ST6GALNAC6: variants seen among roughly 807,000 people sequenced by gnomAD.
The protein encoded by ST6GALNAC6 is alpha-N-acetylgalactosaminide alpha-2,6-sialyltransferase 6.
ST6GALNAC6 carries 19 observed loss-of-function variants against 34.3 expected under a neutral mutation model. The ratio of observed to expected loss-of-function variants is 0.55; its 90% CI spans 0.39 to 0.81. The LOEUF is 0.81. Ranked by LOEUF, ST6GALNAC6 falls within the 40% of genes least tolerant of loss-of-function variation. The pLI is 0.00. For synonymous variants in ST6GALNAC6, 185 were observed against 182.1 expected, an observed-to-expected ratio of 1.02 and a Z score of -0.13; for missense variants, 377 against 467.7, an observed-to-expected ratio of 0.81 and a Z score of 1.79.
rs988234961 is a variant in ST6GALNAC6, at chr9:127,899,575, G to A, written c.-102C>T. 7 of 981,064 alleles carry A rather than the reference G, an allele frequency of 7.1e-6. No individual in the cohort carries two copies. The highest frequency in any genetic ancestry group is 1.8e-5 in the African/African-American group (1 of 56,786). The allele number at this position is 981,064 out of a possible 1,614,324, so 60.8% of individuals were successfully genotyped here. On this transcript the variant is annotated 5_prime_UTR_variant, in exon 1 of 7. Transcript: ENST00000373146. ...ATGGCGCCGGGAGCCGAGCGCCGGGGTCCGCGCTCCTCAGGCCGCCCAGGC... is the reference window on the plus strand; with the variant it reads ...ATGGCGCCGGGAGCCGAGCGCCGGGATCCGCGCTCCTCAGGCCGCCCAGGC...
chr9:127,886,823 G>A (rs1184419828), intron 6 of ST6GALNAC6, 35 bp from the exon 7 acceptor site: 1 of 1,562,006 alleles, frequency 6.4e-7, no homozygotes, highest in Non-Finnish European at 8.7e-7. Flanking sequence ...TCAGGGCAAG[G>A]TGAGCGCTGG....
rs774191878 is a variant in ST6GALNAC6 at position 127,890,658 on chromosome 9, C to T, written c.683G>A (p.Arg228Gln). 6.6e-5 allele frequency: 106 copies of T among 1,613,134 alleles called. No individual in the cohort carries two copies. The highest frequency in any genetic ancestry group is 7.7e-5 in the Non-Finnish European group (91 of 1,180,044). Residue 228 changes from arginine (R) to glutamine (Q), a missense_variant, in exon 5 of 7, where the codon CGG becomes CAG. Physicochemically the swap from Arg to Gln is conservative, Grantham distance 43. Coordinates refer to ENST00000373146, the MANE Select transcript of ST6GALNAC6 (RefSeq NM_013443.5). The surrounding 1 kb of genome is among the most constrained non-coding windows in gnomAD (Gnocchi z 4.3). ...GTACCTGTCCTTGCCCGTCTCACCCCGGAAGAGGTCGTCAAATTGCCGCAT... is the reference window on the plus strand; with the variant it reads ...GTACCTGTCCTTGCCCGTCTCACCCTGGAAGAGGTCGTCAAATTGCCGCAT... ...GRMRQFDDLF[R>Q]GETGKDREKS...
Position 127,899,530 on chromosome 9 carries a change from C to T in ST6GALNAC6, c.-57G>A. ...CCGGCGGGGAGCGCCCGGCCCCCCGCGGCCCCCGAGCCCCCTCACATGGCG... is the reference window on the plus strand; with the variant it reads ...CCGGCGGGGAGCGCCCGGCCCCCCGTGGCCCCCGAGCCCCCTCACATGGCG... On this transcript the variant is annotated 5_prime_UTR_variant, in exon 1 of 7. Coordinates refer to ENST00000373146, the MANE Select transcript of ST6GALNAC6 (RefSeq NM_013443.5). The T allele has an allele frequency of 1.0e-6, 1 of 981,032 alleles. No homozygotes were observed. The highest frequency in any genetic ancestry group is 1.2e-6 in the Non-Finnish European group (1 of 828,074). 60.8% of individuals were successfully genotyped at this position (981,032 alleles called of 1,614,324 possible).
chr9:127,896,212 A>C (rs746270253), intron 3 of ST6GALNAC6, 30 bp downstream of exon 3: 11 of 1,609,408 alleles, frequency 6.8e-6, no homozygotes, highest in African/African-American at 1.4e-5. Flanking sequence ...TGAGAGGCTC[A>C]ATGGGGTTAA....
chr9:127,886,934 G>T, intron 6 of ST6GALNAC6, 146 bp from the exon 7 acceptor site: 1 of 808,326 alleles, frequency 1.2e-6, no homozygotes, highest in Non-Finnish European at 1.9e-6. Context: ...TAAAATGGGT[G>T]CAGGGTAGAC....
In ST6GALNAC6 at chr9:127,885,411, T is replaced by A. The variant is rs763025020; in HGVS notation, c.*1188A>T. On this transcript the variant is annotated 3_prime_UTR_variant, in exon 7 of 7. Coordinates refer to ENST00000373146, the MANE Select transcript of ST6GALNAC6 (RefSeq NM_013443.5). ...CCCCACCCATCACCCCAGTGTGCAA[T>A]GGCTAGCTGCTGGCCTCCTCCATCT... 1.3e-5 allele frequency: 2 copies of A among 152,554 alleles called. No individual in the cohort carries two copies. Among genetic ancestry groups the A allele is most frequent in the Non-Finnish European group, 2.9e-5 (2 of 68,352 alleles). The allele number at this position is 152,554 out of a possible 1,614,324, so 9.5% of individuals were successfully genotyped here. A position where few individuals can be genotyped will look rare whatever the true frequency, so the allele number is the denominator to read the frequency against.
intron 2 of ST6GALNAC6, chr9:127,896,798 C>A: frequency 7.4e-6 from 7 of 947,636 alleles, no homozygotes; most frequent in Non-Finnish European, 8.8e-6. Flanking sequence ...CACTCATCCT[C>A]CAAGCCTGGC....
At chr9:127,891,773 GA>G (rs1180245130) in intron 4 of ST6GALNAC6, among the ~76,000 whole-genome samples, 3 of 130,220 alleles carry the variant, frequency 2.3e-5, no homozygotes, top group Non-Finnish European at 5.0e-5. Context: ...AGGGGACAGA[GA>G]GGGGGGAGAG....
At chr9:127,887,442 C>T (rs1311840293) in intron 6 of ST6GALNAC6, 42 bp downstream of exon 6, 6 of 1,553,890 alleles carry the variant, frequency 3.9e-6, no homozygotes, top group Non-Finnish European at 5.3e-6. Context: ...GCGGCCAGTG[C>T]CTGGGTGTTG....
chr9:127,901,794 G>A (rs1347187687), upstream of ST6GALNAC6, among the ~76,000 whole-genome samples: 2 of 151,974 alleles, frequency 1.3e-5, no homozygotes, highest in Non-Finnish European at 2.9e-5. Context: ...TTAGCCAGGT[G>A]TGGTGGTGCA....
upstream of ST6GALNAC6, among the ~76,000 whole-genome samples, chr9:127,901,409 G>A (rs1050819882): frequency 7.9e-5 from 12 of 151,774 alleles, no homozygotes; most frequent in Non-Finnish European, 1.2e-4. Flanking sequence ...GGCTAACATG[G>A]TGAAACCCCG....
rs774701261 is a variant in ST6GALNAC6, at chr9:127,896,264, CG to C, written c.94del (p.Arg32GlyfsTer4). On this transcript the variant is annotated frameshift_variant, in exon 3 of 7. Transcript: ENST00000373146. LOFTEE classifies it high-confidence loss of function. ...GRRHLPLSRR[R>X]REMSSNKEQR... ...TACTTTGTTGCTACTCATTTCTCTCCGGCGTCTGCTGAGGGGTAGGTGTCGG... is the reference window on the plus strand; with the variant it reads ...TACTTTGTTGCTACTCATTTCTCTCCGCGTCTGCTGAGGGGTAGGTGTCGG... The C allele has an allele frequency of 6.2e-7, 1 of 1,613,992 alleles. No individual in the cohort carries two copies. Among genetic ancestry groups the C allele is most frequent in the Non-Finnish European group, 8.5e-7 (1 of 1,180,006 alleles).
At chr9:127,891,776 G>T (rs1424655008) in intron 4 of ST6GALNAC6, among the ~76,000 whole-genome samples, 1 of 136,184 alleles carries the variant, frequency 7.3e-6, no homozygotes, top group Non-Finnish European at 1.6e-5. Flanking sequence ...GGACAGAGAG[G>T]GGGGAGAGGG....
At chr9:127,899,609 A>T, upstream of ST6GALNAC6, 2 of 981,226 alleles carry the variant, frequency 2.0e-6, no homozygotes, top group East Asian at 1.2e-4. Flanking sequence ...GCCTCGCCGC[A>T]CCCGCGGCCC....
chr9:127,896,505 C>T (rs1564491338), intron 2 of ST6GALNAC6, among the ~76,000 whole-genome samples, 173 bp from the exon 3 acceptor site: 1 of 152,198 alleles, frequency 6.6e-6, no homozygotes, highest in Non-Finnish European at 1.5e-5. Flanking sequence ...CAGGAATCTG[C>T]CTGAGGTCAC....
At chr9:127,896,825 C>T in intron 2 of ST6GALNAC6, 1 of 980,304 alleles carries the variant, frequency 1.0e-6, no homozygotes, top group Non-Finnish European at 1.2e-6. Context: ...CAGGAACTCC[C>T]CTACGTCCTC....
intron 4 of ST6GALNAC6, among the ~76,000 whole-genome samples, chr9:127,892,477 T>C (rs1830205170): frequency 1.3e-5 from 2 of 152,198 alleles, no homozygotes; most frequent in Non-Finnish European, 2.9e-5. Context: ...ATTTTCCTTT[T>C]CCTTTGTCCT....
intron 3 of ST6GALNAC6, among the ~76,000 whole-genome samples, chr9:127,895,118 G>T (rs776897482): frequency 2.0e-5 from 3 of 152,204 alleles, no homozygotes; most frequent in Non-Finnish European, 4.4e-5. Flanking sequence ...CCAATGTATT[G>T]CCTCTAGCTC....
intron 2 of ST6GALNAC6, chr9:127,896,944 T>G (rs1830496049): frequency 1.0e-6 from 1 of 985,018 alleles, no homozygotes; most frequent in Admixed American, 6.2e-5. Context: ...GCTGAATGAA[T>G]TAGTGCATTA....
Sources: gnomAD v4.1 joint callset for allele counts (sites outside exome capture counted in the v4.1 genomes callset) on GRCh38, gnomAD v4.1.1 for gene constraint, Gnocchi (gnomAD v3.1) non-coding constraint, MANE v1.5 for transcripts, NCBI Gene and HGNC (gene_info 2026-07-23, HGNC 2026-07-21) for gene names.